Variants in RCOR3 observed in about 807,000 individuals in gnomAD.
The protein encoded by RCOR3 is REST corepressor 3.
In RCOR3, 13 loss-of-function variants were observed where a neutral mutation model predicts 64.1. That is an observed-to-expected ratio of 0.20 (90% CI 0.13 to 0.32). RCOR3 has a LOEUF of 0.32. RCOR3 is among the 10% of genes least tolerant of loss of function. The pLI, the probability that RCOR3 is intolerant of heterozygous loss-of-function variation, is 1.00. For missense variants in RCOR3, 489 were observed against 701.2 expected (o/e 0.70, Z 3.42); for synonymous variants, 215 against 239.0 (o/e 0.90, Z 0.93).
intron 2 of RCOR3, among the ~76,000 whole-genome samples, chr1:211,270,047 G>A (rs1695891236): frequency 7.0e-6 from 1 of 143,052 alleles, no homozygotes; most frequent in Non-Finnish European, 1.5e-5. Flanking sequence ...AAGAAGTTGC[G>A]TTAACTTTTT....
At chr1:211,311,198 G>A (rs917291728) in intron 10 of RCOR3, among the ~76,000 whole-genome samples, 1 of 152,016 alleles carries the variant, frequency 6.6e-6, no homozygotes, top group Non-Finnish European at 1.5e-5. Flanking sequence ...AGTTCAAACT[G>A]GAAATCAACC....
chr1:211,282,680 G>A (rs910782020), intron 7 of RCOR3, among the ~76,000 whole-genome samples: 4 of 151,996 alleles, frequency 2.6e-5, no homozygotes, highest in Non-Finnish European at 5.9e-5. Context: ...TGTATTTTTA[G>A]TAGAAATGGG....
chr1:211,269,483 G>C (rs1039068942), intron 2 of RCOR3, among the ~76,000 whole-genome samples: 1 of 152,124 alleles, frequency 6.6e-6, no homozygotes, highest in African/African-American at 2.4e-5. Flanking sequence ...TGTAATCCCA[G>C]CTACTTAGGA....
intron 7 of RCOR3, among the ~76,000 whole-genome samples, 185 bp downstream of exon 7, chr1:211,279,501 C>A (rs1697473139): frequency 6.6e-6 from 1 of 152,170 alleles, no homozygotes; most frequent in Non-Finnish European, 1.5e-5. Context: ...GTTGAAAATA[C>A]CATTGAAACT....
chr1:211,303,792 T>C (rs1261400581), intron 9 of RCOR3: 2 of 197,218 alleles, frequency 1.0e-5, no homozygotes, highest in Admixed American at 1.2e-4. Context: ...TGAAACCCCG[T>C]TGGGAAATGG....
intron 7 of RCOR3, among the ~76,000 whole-genome samples, chr1:211,288,761 A>G (rs1698885524): frequency 6.6e-6 from 1 of 151,974 alleles, no homozygotes; most frequent in Non-Finnish European, 1.5e-5. Flanking sequence ...TGCTATTGTC[A>G]TAATTTCTAA....
intron 7 of RCOR3, among the ~76,000 whole-genome samples, chr1:211,285,782 G>C (rs1698441830): frequency 6.6e-6 from 1 of 152,130 alleles, no homozygotes; most frequent in Non-Finnish European, 1.5e-5. Context: ...TGATAGCTTG[G>C]TTTTTGTTGT....
At chr1:211,287,870 A>AT (rs1313937999) in intron 7 of RCOR3, among the ~76,000 whole-genome samples, 1 of 151,114 alleles carries the variant, frequency 6.6e-6, no homozygotes, top group African/African-American at 2.4e-5. Flanking sequence ...CAAAAAAAAA[A>AT]TTTTTTTTTG....
Position 211,259,637 on chromosome 1 carries a change from C to T in RCOR3, c.77C>T (p.Ala26Val). The change falls in exon 1 of 12, where the codon GCA becomes GTA. Residue 26 changes from alanine to valine, a missense_variant. By Grantham distance (64) the Ala-to-Val change is moderately conservative (BLOSUM62 0). This residue lies in a region of RCOR3 where 87 missense variants were observed against 84.3 expected (regional missense o/e 1.03). Transcript: ENST00000419091. ...RSANGSAKSP[A>V]GGGGSGASST... ...GCCAACGGCAGCGCCAAGAGCCCGG[C>T]AGGCGGCGGCGGCAGCGGCGCCTCG... is the stretch of plus-strand genomic sequence containing the variant. The T allele has an allele frequency of 6.5e-7, 1 of 1,547,298 alleles. No homozygotes were observed. The highest frequency in any genetic ancestry group is 8.7e-7 in the Non-Finnish European group (1 of 1,145,464).
At chr1:211,275,087 G>A (rs947456703) in intron 4 of RCOR3, among the ~76,000 whole-genome samples, 11 of 151,400 alleles carry the variant, frequency 7.3e-5, no homozygotes. Context: ...ATTACCCTTA[G>A]TAATGAGGGA....
intron 5 of RCOR3, 100 bp from the exon 6 acceptor site, chr1:211,278,017 A>G (rs970382293): frequency 1.8e-6 from 2 of 1,085,752 alleles, no homozygotes; most frequent in Non-Finnish European, 2.6e-6. Context: ...CCCATGAAAT[A>G]TTTTTTTATT....
In RCOR3 at chr1:211,259,421, A is replaced by G. The variant is rs1693763419; in HGVS notation, c.-140A>G. 1.2e-6 allele frequency: 1 copy of G among 803,974 alleles called. No homozygotes were observed. Among genetic ancestry groups the G allele is most frequent in the Admixed American group, 3.0e-5 (1 of 33,316 alleles). The allele number at this position is 803,974 out of a possible 1,614,324, so 49.8% of individuals were successfully genotyped here. ...AGCGGGGCGGTTATGGCGGCTCCAT[A>G]TTAACAGCCTCCTCCTCCTCCGCCG... On this transcript the variant is annotated 5_prime_UTR_variant, in exon 1 of 12. It adds an upstream start codon to the 5' untranslated region. Transcript: ENST00000419091.
chr1:211,260,054 C>A, intron 1 of RCOR3, 54 bp from the exon 2 acceptor site: 1 of 1,401,826 alleles, frequency 7.1e-7, no homozygotes. Context: ...CTTCCTTTTT[C>A]TTTCTTTTCT....
intron 4 of RCOR3, among the ~76,000 whole-genome samples, chr1:211,275,743 G>A (rs1696868650): frequency 6.6e-6 from 1 of 152,150 alleles, no homozygotes; most frequent in African/African-American, 2.4e-5. Context: ...TTAAAAAATT[G>A]TTAAAGTTGC....
chr1:211,259,891 C>G (rs1296594995), intron 1 of RCOR3, 165 bp downstream of exon 1: 1 of 1,037,128 alleles, frequency 9.6e-7, no homozygotes, highest in Non-Finnish European at 1.3e-6. Flanking sequence ...CGCGACCCCC[C>G]GTCCCTCCGC....
chr1:211,279,976 C>T (rs1020705392), intron 7 of RCOR3, among the ~76,000 whole-genome samples: 2 of 152,160 alleles, frequency 1.3e-5, no homozygotes, highest in Non-Finnish European at 2.9e-5. Context: ...AAAACAGTTT[C>T]CAGTCTCACT....
At chr1:211,309,086 TAA>T (rs10688171) in intron 10 of RCOR3, among the ~76,000 whole-genome samples, 6 of 113,908 alleles carry the variant, frequency 5.3e-5, no homozygotes, top group Admixed American at 9.6e-5. Context: ...TAGCTAAACA[TAA>T]AAAAAAAAAA....
In RCOR3 at chr1:211,263,438, C is replaced by G. The variant is rs1196447466; in HGVS notation, c.223+3274C>G. Among the ~76,000 whole-genome samples the G allele has an allele frequency of 7.2e-4, 9 of 12,506 alleles. No homozygotes were observed. The Admixed American group carries it at 0.011, about 16-fold the overall frequency. The allele number at this position is 12,506 out of a possible 152,430, so 8.2% of individuals were successfully genotyped here. ...TGAAGTCATATTTTCAATTTATTTA[C>G]TCAGACTAATTGAATTTTATTATTA... is the stretch of plus-strand genomic sequence containing the variant. On this transcript the variant is annotated intron_variant, in intron 2 of 11. Coordinates refer to ENST00000419091, the MANE Select transcript of RCOR3 (RefSeq NM_001136223.3).
At chr1:211,293,284 A>T (rs906170362) in intron 8 of RCOR3, among the ~76,000 whole-genome samples, 1 of 152,034 alleles carries the variant, frequency 6.6e-6, no homozygotes, top group Non-Finnish European at 1.5e-5. Flanking sequence ...TCTTCACATT[A>T]CTACCAGAAG....
Sources: gnomAD v4.1 joint callset for allele counts (sites outside exome capture counted in the v4.1 genomes callset) on GRCh38, gnomAD v4.1.1 for gene constraint, gnomAD v4.1.1 regional missense constraint, MANE v1.5 for transcripts, NCBI Gene and HGNC (gene_info 2026-07-23, HGNC 2026-07-21) for gene names.